The following FIP1L1 variants were observed in gnomAD, a reference collection of about 807,000 sequenced individuals.
FIP1L1 encodes pre-mRNA 3'-end-processing factor FIP1.
In FIP1L1, 21 loss-of-function variants were observed where a neutral mutation model predicts 84.6. That is an observed-to-expected ratio of 0.25 (90% CI 0.18 to 0.36). The LOEUF is 0.36. Ranked by LOEUF, FIP1L1 falls within the 10% of genes least tolerant of loss-of-function variation. The pLI, the probability that FIP1L1 is intolerant of heterozygous loss-of-function variation, is 1.00. For synonymous variants in FIP1L1, 263 were observed against 242.3 expected (o/e 1.09, Z -0.80); for missense variants, 526 against 751.1 (o/e 0.70, Z 3.50).
chr4:53,431,675 G>GT (rs1766748222), intron 13 of FIP1L1, among the ~76,000 whole-genome samples: 1 of 152,048 alleles, frequency 6.6e-6, no homozygotes, highest in South Asian at 2.1e-4. Context: ...GCCTGGAAGA[G>GT]TCCTACTTTA....
chr4:53,419,659 G>A (rs747554054), intron 11 of FIP1L1, among the ~76,000 whole-genome samples: 1 of 151,932 alleles, frequency 6.6e-6, no homozygotes, highest in Non-Finnish European at 1.5e-5. Context: ...GGCTGATCTT[G>A]ATCTCCTGAA....
At position 53,436,801 on chromosome 4, in the gene FIP1L1, C is replaced by T. The variant is rs551664235; in HGVS notation, c.1175-5852C>T. On this transcript the variant is annotated intron_variant, in intron 13 of 17. Transcript: ENST00000337488. ...ATATGATGTTTAACAGGAATGCTGCCTTTCTGTTTCTTTGCCTCAGTTCTT... is the reference window on the plus strand; with the variant it reads ...ATATGATGTTTAACAGGAATGCTGCTTTTCTGTTTCTTTGCCTCAGTTCTT... 2.0e-5 allele frequency among the ~76,000 whole-genome samples: 3 copies of T among 152,250 alleles called. No homozygotes were observed. In the South Asian group the frequency reaches 6.2e-4, roughly 32 times the overall value.
chr4:53,460,837 GATAA>G lies in FIP1L1; in HGVS notation c.*1392_*1395del. On this transcript the variant is annotated 3_prime_UTR_variant, in exon 18 of 18. Coordinates refer to ENST00000337488, the MANE Select transcript of FIP1L1 (RefSeq NM_030917.4). Reference sequence around the variant, plus strand: ...TTTCTTTAAATATAAAAACTGACAAGATAAATATAGTGTTTCAACTTCTTAGCCT... The same window carrying G: ...TTTCTTTAAATATAAAAACTGACAAGATATAGTGTTTCAACTTCTTAGCCT... 2 of 1,353,734 alleles carry G rather than the reference GATAA, an allele frequency of 1.5e-6. No homozygotes were observed. The highest frequency in any genetic ancestry group is 2.0e-6 in the Non-Finnish European group (2 of 982,144). 83.9% of individuals were successfully genotyped at this position (1,353,734 alleles called of 1,614,324 possible).
At chr4:53,429,440 G>A (rs1459265659) in intron 13 of FIP1L1, among the ~76,000 whole-genome samples, 1 of 152,102 alleles carries the variant, frequency 6.6e-6, no homozygotes, top group Non-Finnish European at 1.5e-5. Context: ...AATGAAAGAG[G>A]ACTTAGGTGA....
chr4:53,415,529 GT>G (rs770097857), intron 11 of FIP1L1, among the ~76,000 whole-genome samples: 61 of 144,682 alleles, frequency 4.2e-4, no homozygotes, highest in African/African-American at 1.3e-3. Flanking sequence ...TTTGTTTTTT[GT>G]TTTTTTTTTT....
At chr4:53,427,274 G>C (rs1379644616) in intron 12 of FIP1L1, among the ~76,000 whole-genome samples, 1 of 152,102 alleles carries the variant, frequency 6.6e-6, no homozygotes, top group African/African-American at 2.4e-5. Flanking sequence ...ACAACATTAT[G>C]TTGGCTGTCT....
At chr4:53,389,783 G>GTT in intron 5 of FIP1L1, 26 bp from the exon 6 acceptor site, 9 of 1,527,906 alleles carry the variant, frequency 5.9e-6, no homozygotes, top group East Asian at 2.3e-5. Context: ...GATAATTTCT[G>GTT]TTTTTTTTTG....
chr4:53,432,734 C>T (rs1767337113), intron 13 of FIP1L1, among the ~76,000 whole-genome samples: 1 of 152,144 alleles, frequency 6.6e-6, no homozygotes, highest in Non-Finnish European at 1.5e-5. Context: ...TGAGTAATAG[C>T]TAGAAAATAG....
intron 15 of FIP1L1, among the ~76,000 whole-genome samples, chr4:53,445,599 C>A (rs1453884886): frequency 6.6e-6 from 1 of 152,094 alleles, no homozygotes; most frequent in Non-Finnish European, 1.5e-5. Context: ...GGCCTTGAGT[C>A]TTCATGAGCA....
At chr4:53,382,525 G>A (rs906229327) in intron 4 of FIP1L1, among the ~76,000 whole-genome samples, 190 bp downstream of exon 4, 3 of 152,224 alleles carry the variant, frequency 2.0e-5, no homozygotes, top group African/African-American at 7.2e-5. Flanking sequence ...AAAAGAAATA[G>A]TAGAAAGACT....
rs139082808 is a variant in FIP1L1 at position 53,434,091 on chromosome 4, G to A, written c.1174+5908G>A. 2.0e-3 allele frequency among the ~76,000 whole-genome samples: 304 copies of A among 151,982 alleles called. 1 individual carries two copies. Among genetic ancestry groups the A allele is most frequent in the African/African-American group, 7.1e-3 (293 of 41,446 alleles). On this transcript the variant is annotated intron_variant, in intron 13 of 17. Transcript: ENST00000337488. ...GCAGTTCTCAAAACTTTTTGGTTAC[G>A]TCTTCTTTAAACTCTTTAAAATTAC...
rs756291969 is a variant in FIP1L1 at position 53,383,769 on chromosome 4, G to C, written c.229-4G>C. ...TATTTTATAATTTGTTTATGTTCAT[G>C]TAGAAAGTGACTGAGACCGAAGATG... On this transcript the variant is annotated splice_region_variant and splice_polypyrimidine_tract_variant and intron_variant, in intron 4 of 17. Coordinates refer to ENST00000337488, the MANE Select transcript of FIP1L1 (RefSeq NM_030917.4). 6.2e-7 allele frequency: 1 copy of C among 1,602,934 alleles called. No homozygotes were observed. The highest frequency in any genetic ancestry group is 1.1e-5 in the South Asian group (1 of 90,178).
chr4:53,459,317 C>T lies in FIP1L1; in HGVS notation c.1653C>T (p.Arg551=). 6.3e-7 allele frequency: 1 copy of T among 1,577,138 alleles called. No individual in the cohort carries two copies. The highest frequency in any genetic ancestry group is 8.6e-7 in the Non-Finnish European group (1 of 1,161,624). Residue 551 remains arginine, a synonymous_variant, in exon 18 of 18, where the codon CGC becomes CGT. Coordinates refer to ENST00000337488, the MANE Select transcript of FIP1L1 (RefSeq NM_030917.4). Reference sequence around the variant, plus strand: ...TTTTTTCCAGTAATAGTAGACGTCGCCATGAAAGTGAAGAAGGAGATAGTC... The same window carrying T: ...TTTTTTCCAGTAATAGTAGACGTCGTCATGAAAGTGAAGAAGGAGATAGTC... ...HKSSRSNSRR[R]HESEEGDSHR...
chr4:53,448,767 T>C (rs1463146041), intron 15 of FIP1L1, among the ~76,000 whole-genome samples: 1 of 152,122 alleles, frequency 6.6e-6, no homozygotes, highest in Non-Finnish European at 1.5e-5. Context: ...CAGCATTGAG[T>C]TTATCAGTGA....
chr4:53,409,983 G>A (rs1014820260), intron 10 of FIP1L1, among the ~76,000 whole-genome samples: 7 of 152,222 alleles, frequency 4.6e-5, no homozygotes, highest in African/African-American at 1.7e-4. Flanking sequence ...CTCGCCCATG[G>A]TGCGCTGCAC....
intron 15 of FIP1L1, among the ~76,000 whole-genome samples, chr4:53,450,021 A>G (rs1775753117): frequency 6.6e-6 from 1 of 152,118 alleles, no homozygotes; most frequent in South Asian, 2.1e-4. Context: ...GTTGTCTTCA[A>G]AAACCAACTT....
intron 15 of FIP1L1, among the ~76,000 whole-genome samples, chr4:53,448,907 G>A (rs1411041469): frequency 6.6e-6 from 1 of 152,058 alleles, no homozygotes; most frequent in East Asian, 1.9e-4. Flanking sequence ...GCTGTTATAA[G>A]TGTTATATAC....
At chr4:53,412,078 A>C (rs1757493766) in intron 10 of FIP1L1, among the ~76,000 whole-genome samples, 1 of 152,144 alleles carries the variant, frequency 6.6e-6, no homozygotes, top group Non-Finnish European at 1.5e-5. Flanking sequence ...ACTTACAAAG[A>C]ATTGCAAAAA....
At chr4:53,402,631 G>A (rs534119136) in intron 10 of FIP1L1, among the ~76,000 whole-genome samples, 12 of 152,308 alleles carry the variant, frequency 7.9e-5, no homozygotes, top group African/African-American at 2.9e-4. Context: ...GAACCCAGGA[G>A]GTAGAGGTTG....
Sources: gnomAD v4.1 joint callset for allele counts (sites outside exome capture counted in the v4.1 genomes callset) on GRCh38, gnomAD v4.1.1 for gene constraint, MANE v1.5 for transcripts, NCBI Gene and HGNC (gene_info 2026-07-23, HGNC 2026-07-21) for gene names.